The following BMPR1B variants were observed in gnomAD, a reference collection of about 807,000 sequenced individuals.
BMPR1B encodes the protein bone morphogenetic protein receptor type-1B.
A neutral mutation model predicts 59.1 loss-of-function variants in BMPR1B; 12 were observed. That is an observed-to-expected ratio of 0.20 (90% confidence interval 0.13 to 0.33). The LOEUF is 0.33. Among genes scored for constraint, BMPR1B ranks in the 10% least tolerant of loss-of-function variants. The pLI is 1.00. For synonymous variants in BMPR1B, 237 were observed against 207.3 expected (o/e 1.14, Z -1.23); for missense variants, 550 against 610.9 (o/e 0.90, Z 1.05).
At chr4:94,892,637 C>G (rs1369457288) in intron 2 of BMPR1B, among the ~76,000 whole-genome samples, 1 of 151,958 alleles carries the variant, frequency 6.6e-6, no homozygotes, top group African/African-American at 2.4e-5. Context: ...AGTAAGGAGA[C>G]TTTACAGAAG....
Position 94,980,511 on chromosome 4 carries a change from G to A in BMPR1B, c.-112-15529G>A, listed in dbSNP as rs368418174. On this transcript the variant is annotated intron_variant, in intron 2 of 12. Coordinates refer to ENST00000515059, the MANE Select transcript of BMPR1B (RefSeq NM_001203.3). Reference sequence around the variant, plus strand: ...GGAGTCTGGCTTTCTCCCCATGTCCGTGTGGGTTTCCTTTAGGTACTTCAA... The same window carrying A: ...GGAGTCTGGCTTTCTCCCCATGTCCATGTGGGTTTCCTTTAGGTACTTCAA... 9.9e-5 allele frequency among the ~76,000 whole-genome samples: 15 copies of A among 152,190 alleles called. No homozygotes were observed. The South Asian group carries it at 2.7e-3, about 27-fold the overall frequency.
chr4:94,828,192 T>G (rs560454510), intron 1 of BMPR1B, among the ~76,000 whole-genome samples: 1 of 152,330 alleles, frequency 6.6e-6, no homozygotes, highest in Non-Finnish European at 1.5e-5. Flanking sequence ...TTAATAGGAT[T>G]AATAACTAAA....
chr4:94,947,470 C>T (rs1023329787), intron 2 of BMPR1B, among the ~76,000 whole-genome samples: 7 of 152,186 alleles, frequency 4.6e-5, no homozygotes, highest in African/African-American at 1.2e-4. Flanking sequence ...CAGATGCCCA[C>T]GCCTTTGAGC....
chr4:94,955,816 A>G (rs551394716), intron 2 of BMPR1B, among the ~76,000 whole-genome samples: 1 of 151,946 alleles, frequency 6.6e-6, no homozygotes, highest in South Asian at 2.1e-4. Context: ...TTTAGTAGAG[A>G]CAGGGTTTCA....
At chr4:95,131,134 C>G in intron 9 of BMPR1B, 81 bp from the exon 10 acceptor site, 1 of 1,408,792 alleles carries the variant, frequency 7.1e-7, no homozygotes, top group Admixed American at 1.9e-5. Context: ...TTATCTATGA[C>G]AAAGAATGAT....
intron 3 of BMPR1B, among the ~76,000 whole-genome samples, chr4:95,029,606 T>C (rs991547694): frequency 1.3e-4 from 20 of 152,156 alleles, no homozygotes; most frequent in African/African-American, 4.8e-4. Context: ...GCAGCTTGAT[T>C]TATAATCCTT....
intron 1 of BMPR1B, among the ~76,000 whole-genome samples, chr4:94,855,965 A>G (rs924767327): frequency 7.9e-5 from 12 of 152,236 alleles, no homozygotes; most frequent in Non-Finnish European, 1.2e-4. Flanking sequence ...AAAACTTCGA[A>G]TAACTTTGCA....
At chr4:94,931,260 T>G (rs1290344870) in intron 2 of BMPR1B, among the ~76,000 whole-genome samples, 5 of 152,100 alleles carry the variant, frequency 3.3e-5, no homozygotes, top group Non-Finnish European at 7.4e-5. Context: ...TAAATCCTAT[T>G]GTGACACAAT....
chr4:95,080,546 A>G (rs1729058283), intron 3 of BMPR1B, among the ~76,000 whole-genome samples: 1 of 152,134 alleles, frequency 6.6e-6, no homozygotes, highest in East Asian at 1.9e-4. Flanking sequence ...TAAAATATTT[A>G]CAAATTTTAT....
chr4:94,881,037 TTTA>T (rs1323235605), intron 2 of BMPR1B, among the ~76,000 whole-genome samples: 18 of 152,210 alleles, frequency 1.2e-4, no homozygotes, highest in African/African-American at 4.1e-4. Context: ...ATTGCCATTT[TTTA>T]TTGTGGCAAA....
chr4:94,946,259 T>C (rs1729705984), intron 2 of BMPR1B, among the ~76,000 whole-genome samples: 1 of 152,222 alleles, frequency 6.6e-6, no homozygotes, highest in African/African-American at 2.4e-5. Flanking sequence ...TAGTTGATTC[T>C]TGTTTGGTAA....
intron 3 of BMPR1B, among the ~76,000 whole-genome samples, chr4:95,087,878 C>T (rs1729705398): frequency 6.6e-6 from 1 of 152,178 alleles, no homozygotes; most frequent in African/African-American, 2.4e-5. Context: ...TACATTGGCT[C>T]AGTGCCAGTA....
intron 3 of BMPR1B, among the ~76,000 whole-genome samples, chr4:95,033,020 T>A (rs1724989430): frequency 6.6e-6 from 1 of 152,202 alleles, no homozygotes; most frequent in African/African-American, 2.4e-5. Flanking sequence ...CCCATTCATG[T>A]GAGGTAGTAT....
At chr4:94,806,525 C>G (rs1355349730) in intron 1 of BMPR1B, among the ~76,000 whole-genome samples, 1 of 152,138 alleles carries the variant, frequency 6.6e-6, no homozygotes, top group Non-Finnish European at 1.5e-5. Context: ...TGAAATAGAT[C>G]ATTTGGTATG....
intron 1 of BMPR1B, among the ~76,000 whole-genome samples, chr4:94,842,064 G>A (rs1198616169): frequency 6.6e-6 from 1 of 152,112 alleles, no homozygotes; most frequent in Non-Finnish European, 1.5e-5. Flanking sequence ...AGTACAGATG[G>A]GAAGGGAGAG....
At chr4:94,887,546 G>A (rs1030611930) in intron 2 of BMPR1B, among the ~76,000 whole-genome samples, 1 of 151,572 alleles carries the variant, frequency 6.6e-6, no homozygotes, top group Non-Finnish European at 1.5e-5. Flanking sequence ...AAAGCAGGGA[G>A]AGATGAAAAA....
At chr4:95,048,943 A>G (rs1726235381) in intron 3 of BMPR1B, among the ~76,000 whole-genome samples, 1 of 152,172 alleles carries the variant, frequency 6.6e-6, no homozygotes, top group African/African-American at 2.4e-5. Flanking sequence ...TTTAAAATGG[A>G]GGAAATTAAC....
Position 94,923,973 on chromosome 4 carries a change from G to C in BMPR1B, c.-113+48073G>C, listed in dbSNP as rs148549856. Among the ~76,000 whole-genome samples, 192 of 152,212 alleles carry C rather than the reference G, an allele frequency of 1.3e-3. 1 individual carries two copies. The highest frequency in any genetic ancestry group is 4.5e-3 in the African/African-American group (189 of 41,544). On this transcript the variant is annotated intron_variant, in intron 2 of 12. Transcript: ENST00000515059. ...GATGGGTTGCCTTTGACACTGGGTT[G>C]CTTCCAGTTATTATAGCATCCAACT...
intron 3 of BMPR1B, among the ~76,000 whole-genome samples, chr4:95,075,231 C>A (rs1728613275): frequency 6.6e-6 from 1 of 152,044 alleles, no homozygotes; most frequent in South Asian, 2.1e-4. Context: ...CTGTTTTCAC[C>A]ATCTGTTCTT....
Sources: allele counts gnomAD v4.1 joint callset (sites outside exome capture counted in the v4.1 genomes callset), GRCh38; gene constraint gnomAD v4.1.1; transcripts MANE v1.5; gene names NCBI Gene and HGNC (gene_info 2026-07-23, HGNC 2026-07-21).